The following KIFC3 variants were observed in gnomAD, a reference collection of about 807,000 sequenced individuals.
The protein encoded by KIFC3 is kinesin-like protein KIFC3.
KIFC3 carries 60 observed loss-of-function variants against 101.8 expected under a neutral mutation model. The observed-to-expected ratio is 0.59, with a 90% CI of 0.48 to 0.73. The LOEUF (loss-of-function observed/expected upper bound fraction) is 0.73. Among genes scored for constraint, KIFC3 ranks in the 30% least tolerant of loss-of-function variants. The pLI is 0.00. For missense variants in KIFC3, 966 were observed against 1,137.1 expected, an observed-to-expected ratio of 0.85 and a Z score of 2.16; for synonymous variants, 476 against 482.7, an observed-to-expected ratio of 0.99 and a Z score of 0.18.
At chr16:57,781,307 C>T (rs1555614500) in intron 3 of KIFC3, among the ~76,000 whole-genome samples, 1 of 152,032 alleles carries the variant, frequency 6.6e-6, no homozygotes, top group Non-Finnish European at 1.5e-5. Flanking sequence ...AGAGTGAGAC[C>T]CTGCCTCAAA....
intron 9 of KIFC3, 23 bp from the exon 10 acceptor site, chr16:57,767,008 G>C (rs1267668536): frequency 1.9e-6 from 3 of 1,569,456 alleles, no homozygotes; most frequent in Non-Finnish European, 2.6e-6. Flanking sequence ...GCACACCACT[G>C]TCAGGGGGAC....
At chr16:57,817,281 C>A (rs984858734) in intron 1 of KIFC3, among the ~76,000 whole-genome samples, 1 of 151,882 alleles carries the variant, frequency 6.6e-6, no homozygotes, top group Non-Finnish European at 1.5e-5. Flanking sequence ...ATCGTTTGAA[C>A]CCAGGAGGTA....
At chr16:57,763,978 G>A (rs1555600266) in intron 12 of KIFC3, among the ~76,000 whole-genome samples, 165 bp downstream of exon 12, 2 of 152,184 alleles carry the variant, frequency 1.3e-5, no homozygotes, top group African/African-American at 4.8e-5. Flanking sequence ...CCCCTCTTAA[G>A]GCCTGGTGCC....
chr16:57,788,232 C>T (rs2053528338), intron 3 of KIFC3, among the ~76,000 whole-genome samples: 1 of 152,190 alleles, frequency 6.6e-6, no homozygotes, highest in Non-Finnish European at 1.5e-5. Context: ...GTGGTGGCGT[C>T]TGTGAGGCTG....
chr16:57,806,490 C>T (rs782307993), upstream of KIFC3, among the ~76,000 whole-genome samples: 1 of 152,154 alleles, frequency 6.6e-6, no homozygotes, highest in African/African-American at 2.4e-5. Flanking sequence ...ACCATCTGCT[C>T]CTTCAGGACA....
chr16:57,856,486 AG>A (rs2056170304), intron 1 of KIFC3, among the ~76,000 whole-genome samples: 1 of 104,498 alleles, frequency 9.6e-6, no homozygotes, highest in African/African-American at 3.5e-5. Flanking sequence ...GAAGGAAAGA[AG>A]GGAGGGAGGG....
chr16:57,781,453 T>C (rs1449231009), intron 3 of KIFC3, among the ~76,000 whole-genome samples: 2 of 151,954 alleles, frequency 1.3e-5, no homozygotes, highest in Admixed American at 1.3e-4. Flanking sequence ...CCTGGGACTG[T>C]TGTTAACAAC....
chr16:57,836,052 G>T (rs914207014), intron 1 of KIFC3, among the ~76,000 whole-genome samples: 1 of 151,798 alleles, frequency 6.6e-6, no homozygotes, highest in Non-Finnish European at 1.5e-5. Flanking sequence ...AAACCCAGTC[G>T]CCAGCCTGAA....
At chr16:57,845,095 G>A (rs1462863581) in intron 1 of KIFC3, among the ~76,000 whole-genome samples, 1 of 152,162 alleles carries the variant, frequency 6.6e-6, no homozygotes, top group Non-Finnish European at 1.5e-5. Flanking sequence ...CATTCAAGAT[G>A]TCCACGCTGG....
At chr16:57,830,118 G>A (rs906491577) in intron 1 of KIFC3, among the ~76,000 whole-genome samples, 9 of 152,270 alleles carry the variant, frequency 5.9e-5, no homozygotes, top group Middle Eastern at 3.4e-3. Flanking sequence ...AGGACAGAGA[G>A]CACTGGCTTT....
rs2050389785 is a variant in KIFC3, at chr16:57,765,526, A to G, written c.1445T>C (p.Leu482Pro). 6.3e-7 allele frequency: 1 copy of G among 1,595,040 alleles called. No homozygotes were observed. Among genetic ancestry groups the G allele is most frequent in the African/African-American group, 1.3e-5 (1 of 74,750 alleles). ...DADDDSIIHL[L>P]HKGKPVSFEL... ...GAAGGACACAGGCTTGCCCTTGTGC[A>G]GCAGGTGGATGATGGAGTCGTCGTC... Residue 482 changes from leucine to proline, a missense_variant, in exon 11 of 20, where the codon CTG (leucine) becomes CCG (proline). Leu to Pro is a moderately conservative substitution (Grantham distance 98, BLOSUM62 -3). Around this residue, in one of 2 missense-constraint regions of KIFC3, gnomAD observed 689 missense variants for 884.6 expected, o/e 0.78. Transcript: ENST00000445690.
chr16:57,788,610 C>G (rs949701124), intron 3 of KIFC3: 1 of 1,289,254 alleles, frequency 7.8e-7, no homozygotes, highest in African/African-American at 1.5e-5. Flanking sequence ...ACCAGCTTCC[C>G]GGGCCTCCCG....
rs116107331 is a variant in KIFC3 at position 57,758,628 on chromosome 16, C to T, written c.*306G>A. 3.6e-3 allele frequency: 2,536 copies of T among 697,828 alleles called. 43 individuals carry two copies. The African/African-American group carries it at 0.039, about 11-fold the overall frequency. The allele number at this position is 697,828 out of a possible 1,614,324, so 43.2% of individuals were successfully genotyped here. On this transcript the variant is annotated 3_prime_UTR_variant, in exon 20 of 20. Coordinates refer to ENST00000445690, the MANE Select transcript of KIFC3 (RefSeq NM_001130100.2). Reference sequence around the variant, plus strand: ...GGCCCACCCTCCTCCACACTCCCGCCCTCCTCACGGGGCCCAGTTCGCTGA... The same window carrying T: ...GGCCCACCCTCCTCCACACTCCCGCTCTCCTCACGGGGCCCAGTTCGCTGA...
At position 57,772,304 on chromosome 16, in the gene KIFC3, C is replaced by A; in HGVS notation, c.316-16G>T. The A allele has an allele frequency of 1.9e-6, 3 of 1,612,962 alleles. No individual in the cohort carries two copies. The South Asian group carries it at 3.3e-5, about 18-fold the overall frequency. On this transcript the variant is annotated splice_polypyrimidine_tract_variant and intron_variant, in intron 3 of 19. Coordinates refer to ENST00000445690, the MANE Select transcript of KIFC3 (RefSeq NM_001130100.2). ...GGTGTTCTACCTGTGGGCACAGAGTCAGGAGCAAGGTGAGCCTCAGTCCTC... is the reference window on the plus strand; with the variant it reads ...GGTGTTCTACCTGTGGGCACAGAGTAAGGAGCAAGGTGAGCCTCAGTCCTC...
rs782174519 is a variant in KIFC3, at chr16:57,770,646, C to T, written c.820G>A (p.Glu274Lys). The stretch of plus-strand genomic sequence containing the variant: ...AGGTGCTGGTTCCGGGCCTGGGACT[C>T]GCTGAGGGCCTGCTTGGTCTTGGAC... ...ESSKTKQALSESQARNQHLQE... is the reference protein window; with the variant it reads ...ESSKTKQALSKSQARNQHLQE... The change falls in exon 7 of 20, where the codon GAG (glutamate) becomes AAG (lysine). Residue 274 changes from glutamate to lysine, a missense_variant. Around this residue, in one of 2 missense-constraint regions of KIFC3, gnomAD observed 689 missense variants for 884.6 expected, o/e 0.78. Coordinates refer to ENST00000445690, the MANE Select transcript of KIFC3 (RefSeq NM_001130100.2). 5.4e-5 allele frequency: 84 copies of T among 1,556,040 alleles called. No homozygotes were observed. The highest frequency in any genetic ancestry group is 9.6e-5 in the South Asian group (8 of 83,304).
intron 3 of KIFC3, chr16:57,788,480 G>A (rs782280063): frequency 3.6e-6 from 4 of 1,126,564 alleles, no homozygotes; most frequent in Admixed American, 3.3e-5. Flanking sequence ...CAGCCGGGGA[G>A]GACAGGGCAT....
At chr16:57,802,657 C>A, upstream of KIFC3, 1 of 1,003,942 alleles carries the variant, frequency 1.0e-6, no homozygotes, top group Non-Finnish European at 1.3e-6. This position sits in a 1 kb window ranked among gnomAD's most constrained non-coding sequence, Gnocchi z 5.0. Flanking sequence ...GGCACTCCCA[C>A]TCCCACTCCC....
At position 57,771,602 on chromosome 16, in the gene KIFC3, C is replaced by G. The variant is rs1555608470; in HGVS notation, c.466G>C (p.Glu156Gln). 3 of 1,613,342 alleles carry G rather than the reference C, an allele frequency of 1.9e-6. No homozygotes were observed. Among genetic ancestry groups the G allele is most frequent in the African/African-American group, 2.7e-5 (2 of 74,950 alleles). ...LRQEMRRCEA[E>Q]LQELRTKPAG... ...GGCTTTGTGCGCAGCTCTTGCAGCT[C>G]GGCCTCACAGCGCCGCATCTCCTGC... is the stretch of plus-strand genomic sequence containing the variant. The change falls in exon 5 of 20, where the codon GAG (glutamate) becomes CAG (glutamine). Residue 156 changes from glutamate (E) to glutamine (Q), a missense_variant. Glu to Gln is a conservative substitution (Grantham distance 29). Transcript: ENST00000445690.
intron 3 of KIFC3, chr16:57,776,597 T>C (rs1389223046): frequency 5.5e-6 from 1 of 180,756 alleles, no homozygotes; most frequent in East Asian, 1.9e-4. Flanking sequence ...CGAGATGATA[T>C]ATGCGAAGGC....
Sources: allele counts gnomAD v4.1 joint callset (sites outside exome capture counted in the v4.1 genomes callset), GRCh38; gene constraint gnomAD v4.1.1; regional missense constraint gnomAD v4.1.1; non-coding constraint Gnocchi (gnomAD v3.1); transcripts MANE v1.5; gene names NCBI Gene and HGNC (gene_info 2026-07-23, HGNC 2026-07-21).